Variants in ITPK1 observed in about 807,000 individuals in gnomAD.
ITPK1 encodes inositol-tetrakisphosphate 1-kinase.
Under a neutral mutation model 45.3 loss-of-function variants are expected in ITPK1, and 21 were observed. The ratio of observed to expected loss-of-function variants is 0.46; its 90% CI spans 0.33 to 0.67. ITPK1 has a LOEUF of 0.67. ITPK1 is among the 30% of genes least tolerant of loss of function. The pLI is 0.02. For synonymous variants in ITPK1, 258 were observed against 253.6 expected, an observed-to-expected ratio of 1.02 and a Z score of -0.16; for missense variants, 474 against 573.5, an observed-to-expected ratio of 0.83 and a Z score of 1.77.
chr14:93,042,722 A>G (rs1889608548), intron 3 of ITPK1, among the ~76,000 whole-genome samples: 1 of 152,130 alleles, frequency 6.6e-6, no homozygotes, highest in African/African-American at 2.4e-5. Flanking sequence ...GAAGGAAATT[A>G]AAGTTTCAAT....
Position 93,016,286 on chromosome 14 carries a change from C to A in ITPK1, c.246+390G>T, listed in dbSNP as rs1888174706. ...ACCAAGGCAGGACTCAGTTCAAAGG[C>A]CCTCGGGGGTCCCCTTTACCAAGTG... On this transcript the variant is annotated intron_variant, in intron 4 of 10. Coordinates refer to ENST00000267615, the MANE Select transcript of ITPK1 (RefSeq NM_014216.6). This position sits in a 1 kb window ranked among gnomAD's most constrained non-coding sequence, Gnocchi z 5.0. Among the ~76,000 whole-genome samples, 1 of 152,158 alleles carries A rather than the reference C, an allele frequency of 6.6e-6. No individual in the cohort carries two copies. The highest frequency in any genetic ancestry group is 1.9e-4 in the East Asian group (1 of 5,194).
Position 93,085,938 on chromosome 14 carries a change from G to T in ITPK1, c.96-9319C>A, listed in dbSNP as rs530630367. Among the ~76,000 whole-genome samples, 174 of 151,864 alleles carry T rather than the reference G, an allele frequency of 1.1e-3. 1 individual carries two copies. The highest frequency in any genetic ancestry group is 1.9e-3 in the Non-Finnish European group (131 of 67,854). ...TGCTGGGAGAGGGAGGTAGTGGGGG[G>T]TGCTGGCAGGCTTGGTTCTAGCACC... On this transcript the variant is annotated intron_variant, in intron 2 of 10. Transcript: ENST00000267615.
chr14:92,952,878 T>C (rs941082320), intron 8 of ITPK1, among the ~76,000 whole-genome samples: 6 of 152,372 alleles, frequency 3.9e-5, no homozygotes, highest in Middle Eastern at 3.4e-3. Context: ...AATGCAAGAA[T>C]TGCAGAACCA....
At chr14:92,948,891 C>T (rs1385573540) in intron 9 of ITPK1, among the ~76,000 whole-genome samples, 4 of 152,130 alleles carry the variant, frequency 2.6e-5, no homozygotes, top group African/African-American at 7.2e-5. Context: ...CGGATATCAC[C>T]CACGCTCTGA....
chr14:93,077,902 G>A (rs113014890), intron 2 of ITPK1, among the ~76,000 whole-genome samples: 24 of 152,326 alleles, frequency 1.6e-4, no homozygotes, highest in African/African-American at 4.6e-4. Context: ...AGCATACTGT[G>A]CACATTGTGC....
At chr14:92,962,728 G>A (rs771909124) in intron 6 of ITPK1, 23 bp downstream of exon 6, 2 of 1,574,496 alleles carry the variant, frequency 1.3e-6, no homozygotes, top group Admixed American at 3.3e-5. Flanking sequence ...CCTGCCCTCA[G>A]GTGGAGCTGG....
chr14:92,960,437 C>G (rs1311422172), intron 7 of ITPK1, among the ~76,000 whole-genome samples: 1 of 152,188 alleles, frequency 6.6e-6, no homozygotes, highest in African/African-American at 2.4e-5. Context: ...GCAGTGACCC[C>G]TCATCCTTCA....
intron 5 of ITPK1, among the ~76,000 whole-genome samples, chr14:92,982,151 CAAGGGAAA>C (rs1284326986): frequency 3.9e-5 from 6 of 152,216 alleles, no homozygotes; most frequent in Non-Finnish European, 5.9e-5. Flanking sequence ...TATAAGTATG[CAAGGGAAA>C]ACCATTGTAT....
chr14:93,111,580 G>A (rs926865771), intron 2 of ITPK1, among the ~76,000 whole-genome samples: 1 of 151,974 alleles, frequency 6.6e-6, no homozygotes. Flanking sequence ...GCGTGGTGGT[G>A]CGCACCTGTA....
At chr14:93,011,869 G>A (rs965046324) in intron 4 of ITPK1, among the ~76,000 whole-genome samples, 2 of 151,960 alleles carry the variant, frequency 1.3e-5, no homozygotes, top group African/African-American at 4.8e-5. Flanking sequence ...TCATATCACC[G>A]CCATCCCCGC....
chr14:92,988,435 T>C (rs1886610658), intron 5 of ITPK1, among the ~76,000 whole-genome samples: 1 of 152,154 alleles, frequency 6.6e-6, no homozygotes, highest in African/African-American at 2.4e-5. Context: ...ATTGGAAGCC[T>C]TATCAGCGAC....
intron 4 of ITPK1, among the ~76,000 whole-genome samples, chr14:93,001,614 T>C (rs1338250849): frequency 1.3e-5 from 2 of 152,212 alleles, no homozygotes; most frequent in African/African-American, 2.4e-5. Context: ...TAGGATCCAC[T>C]GCATCAGGGC....
At chr14:93,037,255 G>C (rs1179203239) in intron 3 of ITPK1, among the ~76,000 whole-genome samples, 2 of 152,252 alleles carry the variant, frequency 1.3e-5, no homozygotes, top group Non-Finnish European at 2.9e-5. Context: ...TAGGAAAAGA[G>C]GAGACCAGCA....
At chr14:92,985,875 G>A (rs1392503160) in intron 5 of ITPK1, among the ~76,000 whole-genome samples, 2 of 152,162 alleles carry the variant, frequency 1.3e-5, no homozygotes, top group African/African-American at 4.8e-5. Flanking sequence ...CTATGAGGAA[G>A]GTGCCACCAA....
intron 3 of ITPK1, among the ~76,000 whole-genome samples, chr14:93,057,328 C>T (rs1890250043): frequency 6.6e-6 from 1 of 152,238 alleles, no homozygotes; most frequent in Non-Finnish European, 1.5e-5. Flanking sequence ...CTCTCGAAAT[C>T]TGTCCTGCTG....
intron 5 of ITPK1, among the ~76,000 whole-genome samples, chr14:92,989,208 C>T (rs1886652704): frequency 6.6e-6 from 1 of 152,198 alleles, no homozygotes; most frequent in Admixed American, 6.5e-5. Context: ...AAGATGAGCC[C>T]TAATTAAATT....
chr14:93,086,125 G>A lies in ITPK1; in HGVS notation c.96-9506C>T, dbSNP rs1005449846. ...AAGGTAGGCTACTGCAGGAAGGGAG[G>A]CAGAAATTCCCGTGACATTTCCCTC... On this transcript the variant is annotated intron_variant, in intron 2 of 10. Coordinates refer to ENST00000267615, the MANE Select transcript of ITPK1 (RefSeq NM_014216.6). 3.3e-5 allele frequency among the ~76,000 whole-genome samples: 5 copies of A among 152,324 alleles called. No homozygotes were observed. The Middle Eastern group carries it at 0.01, about 311-fold the overall frequency.
intron 3 of ITPK1, among the ~76,000 whole-genome samples, chr14:93,061,939 T>C (rs1595179761): frequency 6.6e-6 from 1 of 152,214 alleles, no homozygotes; most frequent in East Asian, 1.9e-4. Context: ...GAATGCTAAG[T>C]GTGTTTGTGG....
chr14:93,063,832 G>A lies in ITPK1; in HGVS notation c.120+12763C>T, dbSNP rs1890632510. Among the ~76,000 whole-genome samples, 1 of 152,202 alleles carries A rather than the reference G, an allele frequency of 6.6e-6. No homozygotes were observed. The highest frequency in any genetic ancestry group is 1.5e-5 in the Non-Finnish European group (1 of 68,046). The stretch of plus-strand genomic sequence containing the variant: ...ACTAACCCTGGCACTCAGTAGACGA[G>A]GCACACACAGGAGTTCTCACTGCTG... On this transcript the variant is annotated intron_variant, in intron 3 of 10. Coordinates refer to ENST00000267615, the MANE Select transcript of ITPK1 (RefSeq NM_014216.6). The surrounding 1 kb of genome is among the most constrained non-coding windows in gnomAD (Gnocchi z 4.3).
Sources: gnomAD v4.1 joint callset for allele counts (sites outside exome capture counted in the v4.1 genomes callset) on GRCh38, gnomAD v4.1.1 for gene constraint, Gnocchi (gnomAD v3.1) non-coding constraint, MANE v1.5 for transcripts, NCBI Gene and HGNC (gene_info 2026-07-23, HGNC 2026-07-21) for gene names.